The following ARSA variants were observed in gnomAD, a reference collection of about 807,000 sequenced individuals.
The protein encoded by ARSA is arylsulfatase A.
ARSA carries 32 observed loss-of-function variants against 37.8 expected under a neutral mutation model. That is an observed-to-expected ratio of 0.85 (90% confidence interval 0.64 to 1.14). The LOEUF (loss-of-function observed/expected upper bound fraction) is 1.14, where lower values mean the gene tolerates loss of function less well. Among genes scored for constraint, ARSA ranks in the 50% most tolerant of loss-of-function variants. The pLI, the probability that ARSA is intolerant of heterozygous loss-of-function variation, is 0.00. For synonymous variants in ARSA, 303 were observed against 303.4 expected (o/e 1.00, Z 0.01); for missense variants, 685 against 686.3 (o/e 1.00, Z 0.02).
Position 50,627,167 on chromosome 22 carries a change from T to C in ARSA, c.464A>G (p.Gln155Arg). The C allele has an allele frequency of 6.2e-7, 1 of 1,609,622 alleles. No individual in the cohort carries two copies. The highest frequency in any genetic ancestry group is 8.5e-7 in the Non-Finnish European group (1 of 1,177,190). ...RFLGIPYSHD[Q>R]GPCQNLTCFP... ...GCTGAGGGCCCGGGTGGTTCCTACC[T>C]GGTCGTGGGAGTACGGGATGCCTAG... Residue 155 changes from glutamine (Q) to arginine (R), a missense_variant and splice_region_variant, in exon 2 of 8, where the codon CAG becomes CGG. Coordinates refer to ENST00000216124, the MANE Select transcript of ARSA (RefSeq NM_000487.6).
At chr22:50,627,438 G>C (rs747436269) in intron 1 of ARSA, 32 bp from the exon 2 acceptor site, 1 of 1,607,758 alleles carries the variant, frequency 6.2e-7, no homozygotes, top group Admixed American at 1.7e-5. Context: ...CCCTGAGACA[G>C]ACAGAAATGT....
chr22:50,627,705 G>A lies in ARSA; in HGVS notation c.75C>T (p.Ile25=), dbSNP rs572475346. Residue 25 remains isoleucine, a synonymous_variant, in exon 1 of 8, where the codon ATC becomes ATT. Coordinates refer to ENST00000216124, the MANE Select transcript of ARSA (RefSeq NM_000487.6). ...CGAGGTCGTCGGCAAAGATCAGCAC[G>A]ATGTTGGGCGGACGGGCAACGGCCA... ...AGLAVARPPN[I]VLIFADDLGY... is the part of the protein sequence containing the mutation. The A allele has an allele frequency of 1.3e-6, 2 of 1,555,600 alleles. No homozygotes were observed. The highest frequency in any genetic ancestry group is 4.8e-5 in the East Asian group (2 of 41,464).
rs902768858 is a variant in ARSA at position 50,624,074 on chromosome 22, G to A, written c.*1071C>T. On this transcript the variant is annotated 3_prime_UTR_variant, in exon 8 of 8. Coordinates refer to ENST00000216124, the MANE Select transcript of ARSA (RefSeq NM_000487.6). Reference sequence around the variant, plus strand: ...GTGAATCGCCGTGTGCAGCCTAACAGATTTTTTGTTTTTTGAGACAGAGTT... The same window carrying A: ...GTGAATCGCCGTGTGCAGCCTAACAAATTTTTTGTTTTTTGAGACAGAGTT... Among the ~76,000 whole-genome samples the A allele has an allele frequency of 6.6e-6, 1 of 151,734 alleles. No homozygotes were observed. Among genetic ancestry groups the A allele is most frequent in the African/African-American group, 2.4e-5 (1 of 41,326 alleles).
intron 7 of ARSA, 31 bp from the exon 8 acceptor site, chr22:50,625,495 C>T (rs968267549): frequency 6.2e-7 from 1 of 1,608,434 alleles, no homozygotes; most frequent in African/African-American, 1.4e-5. Context: ...GTGCACAGGG[C>T]AAGGGCGAGA....
chr22:50,624,905 CT>C lies in ARSA; in HGVS notation c.*239del. On this transcript the variant is annotated 3_prime_UTR_variant, in exon 8 of 8. Transcript: ENST00000216124. ...CAGGGTTCAAATCCCAGCCCAACCTCTTTCTGGCTGGGTGATCTTGTACAAG... is the reference window on the plus strand; with the variant it reads ...CAGGGTTCAAATCCCAGCCCAACCTCTTCTGGCTGGGTGATCTTGTACAAG... 1.8e-6 allele frequency: 1 copy of C among 545,794 alleles called. No individual in the cohort carries two copies. The highest frequency in any genetic ancestry group is 3.2e-5 in the East Asian group (1 of 31,598). The allele number at this position is 545,794 out of a possible 1,614,324, so 33.8% of individuals were successfully genotyped here. A position where few individuals can be genotyped will look rare whatever the true frequency, so the allele number is the denominator to read the frequency against.
chr22:50,623,898 C>CAAAAAAAAAAAAA lies in ARSA; in HGVS notation c.*1234_*1246dup, dbSNP rs131716. 3.5e-4 allele frequency: 50 copies of CAAAAAAAAAAAAA among 141,834 alleles called. No individual in the cohort carries two copies. The highest frequency in any genetic ancestry group is 5.3e-4 in the African/African-American group (20 of 38,086). 8.8% of individuals were successfully genotyped at this position (141,834 alleles called of 1,614,324 possible). A position where few individuals can be genotyped will look rare whatever the true frequency, so the allele number is the denominator to read the frequency against. Reference sequence around the variant, plus strand: ...TGGGCGACAGAGCGAGACTCCGTCTCAAAAAAAAAAAAAAAAAAAAAAAAA... The same window carrying CAAAAAAAAAAAAA: ...TGGGCGACAGAGCGAGACTCCGTCTCAAAAAAAAAAAAAAAAAAAAAAAAAAAAAAAAAAAAAA... On this transcript the variant is annotated 3_prime_UTR_variant, in exon 8 of 8. Transcript: ENST00000216124.
rs1216923641 is a variant in ARSA at position 50,627,422 on chromosome 22, C to T, written c.225-16G>A. The T allele has an allele frequency of 6.2e-7, 1 of 1,608,252 alleles. No homozygotes were observed. Among genetic ancestry groups the T allele is most frequent in the Non-Finnish European group, 8.5e-7 (1 of 1,179,394 alleles). On this transcript the variant is annotated splice_polypyrimidine_tract_variant and intron_variant, in intron 1 of 7. Transcript: ENST00000216124. Reference sequence around the variant, plus strand: ...GAGGGCGGCCCTGCGGGACAAGTCACAGAGTCCCTGAGACAGACAGAAATG... The same window carrying T: ...GAGGGCGGCCCTGCGGGACAAGTCATAGAGTCCCTGAGACAGACAGAAATG...
Position 50,625,344 on chromosome 22 carries a change from A to G in ARSA, c.1331T>C (p.Leu444Pro). 6.2e-7 allele frequency: 1 copy of G among 1,611,614 alleles called. No individual in the cohort carries two copies. The highest frequency in any genetic ancestry group is 8.5e-7 in the Non-Finnish European group (1 of 1,179,084). Residue 444 changes from leucine (L) to proline (P), a missense_variant, in exon 8 of 8, where the codon CTG becomes CCG. Coordinates refer to ENST00000216124, the MANE Select transcript of ARSA (RefSeq NM_000487.6). The stretch of plus-strand genomic sequence containing the variant: ...TGGGGTGGCCCCGGCCACACCCCCC[A>G]GCAGGTTGTAGTTCTCACCAGGGTC... ...SKDPGENYNL[L>P]GGVAGATPEV... is the part of the protein sequence containing the mutation.
chr22:50,626,375 C>T (rs1473173833), intron 4 of ARSA, 97 bp from the exon 5 acceptor site: 24 of 1,561,884 alleles, frequency 1.5e-5, no homozygotes, highest in South Asian at 4.6e-5. Context: ...AAAGCTTGCC[C>T]GGAGGTGCCC....
chr22:50,627,269 C>A lies in ARSA; in HGVS notation c.362G>T (p.Gly121Val). 1 of 1,599,590 alleles carries A rather than the reference C, an allele frequency of 6.3e-7. No individual in the cohort carries two copies. The highest frequency in any genetic ancestry group is 8.5e-7 in the Non-Finnish European group (1 of 1,173,914). The stretch of plus-strand genomic sequence containing the variant: ...CCCAAGGTGCCACTTGCCGGCCATT[C>A]CTGTGAGGTAGCCTCGGGCAGCCAG... ...EVLAARGYLTGMAGKWHLGVG... is the reference protein window; with the variant it reads ...EVLAARGYLTVMAGKWHLGVG... The change falls in exon 2 of 8, where the codon GGA becomes GTA. Residue 121 changes from glycine to valine, a missense_variant. Physicochemically the swap from Gly to Val is moderately radical, Grantham distance 109. Coordinates refer to ENST00000216124, the MANE Select transcript of ARSA (RefSeq NM_000487.6).
In ARSA at chr22:50,626,574, C is replaced by G. The variant is rs752651493; in HGVS notation, c.854+17G>C. ...CCCGTGACAGGGCCGGAGCACCCAG[C>G]TGCCCTGCTGGCATACCCATTGTCT... On this transcript the variant is annotated intron_variant, in intron 4 of 7. Transcript: ENST00000216124. 2.7e-5 allele frequency: 44 copies of G among 1,611,288 alleles called. No homozygotes were observed. Among genetic ancestry groups the G allele is most frequent in the Non-Finnish European group, 3.1e-5 (37 of 1,180,032 alleles).
chr22:50,627,244 C>G lies in ARSA; in HGVS notation c.387G>C (p.Gly129=), dbSNP rs764180051. ...LTGMAGKWHL[G]VGPEGAFLPP... ...GCAGGAAGGCCCCCTCAGGCCCCAC[C>G]CCAAGGTGCCACTTGCCGGCCATTC... Residue 129 remains glycine, a synonymous_variant, in exon 2 of 8, where the codon GGG becomes GGC. Coordinates refer to ENST00000216124, the MANE Select transcript of ARSA (RefSeq NM_000487.6). 1.9e-6 allele frequency: 3 copies of G among 1,606,762 alleles called. No homozygotes were observed. The South Asian group carries it at 3.3e-5, about 18-fold the overall frequency.
Position 50,625,405 on chromosome 22 carries a change from C to A in ARSA, c.1270G>T (p.Ala424Ser). The change falls in exon 8 of 8, where the codon GCT (alanine) becomes TCT (serine). Residue 424 changes from alanine (A) to serine (S), a missense_variant. Transcript: ENST00000216124. Reference protein sequence around the residue: ...PACHASSSLTAHEPPLLYDLS... With the variant: ...PACHASSSLTSHEPPLLYDLS... ...TCATAGAGCAGCGGGGGCTCATGAG[C>A]AGTCAGAGAGCTGGAGGCGTGGCAG... The A allele has an allele frequency of 6.3e-7, 1 of 1,597,952 alleles. No individual in the cohort carries two copies. The highest frequency in any genetic ancestry group is 8.5e-7 in the Non-Finnish European group (1 of 1,169,776).
At chr22:50,625,542 A>G (rs756625827) in intron 7 of ARSA, 37 bp downstream of exon 7, 2 of 1,603,210 alleles carry the variant, frequency 1.2e-6, no homozygotes, top group Non-Finnish European at 1.7e-6. Flanking sequence ...GGGAGGGGTC[A>G]GCAGGTCGGG....
Position 50,627,699 on chromosome 22 carries a change from C to A in ARSA, c.81G>T (p.Leu27=). 2 of 1,556,374 alleles carry A rather than the reference C, an allele frequency of 1.3e-6. No individual in the cohort carries two copies. The highest frequency in any genetic ancestry group is 2.4e-5 in the East Asian group (1 of 41,556). The change falls in exon 1 of 8, where the codon CTG becomes CTT. Residue 27 remains leucine (L), a synonymous_variant. Coordinates refer to ENST00000216124, the MANE Select transcript of ARSA (RefSeq NM_000487.6). The part of the protein sequence containing the change: ...LAVARPPNIV[L]IFADDLGYGD... ...CATAGCCGAGGTCGTCGGCAAAGATCAGCACGATGTTGGGCGGACGGGCAA... is the reference window on the plus strand; with the variant it reads ...CATAGCCGAGGTCGTCGGCAAAGATAAGCACGATGTTGGGCGGACGGGCAA...
chr22:50,626,348 C>T lies in ARSA; in HGVS notation c.855-70G>A, dbSNP rs538867392. On this transcript the variant is annotated intron_variant, in intron 4 of 7. Coordinates refer to ENST00000216124, the MANE Select transcript of ARSA (RefSeq NM_000487.6). ...GAGCCACCGAGGGTGACCAGTGGCC[C>T]CACACCTCTAAGTCACAAAGCTTGC... 24 of 1,587,462 alleles carry T rather than the reference C, an allele frequency of 1.5e-5. No homozygotes were observed. The African/African-American group carries it at 2.3e-4, about 15-fold the overall frequency.
chr22:50,625,840 C>T, intron 6 of ARSA, 96 bp downstream of exon 6: 1 of 1,542,772 alleles, frequency 6.5e-7, no homozygotes, highest in Non-Finnish European at 8.8e-7. Flanking sequence ...GTGCAGGAGG[C>T]ACTGAGGCAC....
At position 50,627,165 on chromosome 22, in the gene ARSA, C is replaced by T. The variant is rs80338815; in HGVS notation, c.465+1G>A. On this transcript the variant is annotated splice_donor_variant, in intron 2 of 7. Transcript: ENST00000216124. LOFTEE classifies it high-confidence loss of function. ...TGGCTGAGGGCCCGGGTGGTTCCTACCTGGTCGTGGGAGTACGGGATGCCT... is the reference window on the plus strand; with the variant it reads ...TGGCTGAGGGCCCGGGTGGTTCCTATCTGGTCGTGGGAGTACGGGATGCCT... 8.2e-4 allele frequency: 1,312 copies of T among 1,609,324 alleles called. No homozygotes were observed. Among genetic ancestry groups the T allele is most frequent in the Non-Finnish European group, 1.0e-3 (1,213 of 1,177,148 alleles).
Position 50,625,200 on chromosome 22 carries a change from T to A in ARSA, c.1475A>T (p.His492Leu). 1 of 1,604,882 alleles carries A rather than the reference T, an allele frequency of 6.2e-7. No individual in the cohort carries two copies. ...AGCTGGGCGGGGGGTGCAGCCAGGATGACAGCAGATCTGCAGGGCGGGGTC... is the reference window on the plus strand; with the variant it reads ...AGCTGGGCGGGGGGTGCAGCCAGGAAGACAGCAGATCTGCAGGGCGGGGTC... ...GEDPALQICC[H>L]PGCTPRPACC... Residue 492 changes from histidine to leucine, a missense_variant, in exon 8 of 8, where the codon CAT (histidine) becomes CTT (leucine). Transcript: ENST00000216124.
Sources: gnomAD v4.1 joint callset for allele counts (sites outside exome capture counted in the v4.1 genomes callset) on GRCh38, gnomAD v4.1.1 for gene constraint, MANE v1.5 for transcripts, NCBI Gene and HGNC (gene_info 2026-07-23, HGNC 2026-07-21) for gene names.